Variants in CRPPA observed in about 807,000 individuals in gnomAD.
CRPPA encodes the protein D-ribitol-5-phosphate cytidylyltransferase.
A neutral mutation model predicts 52.0 loss-of-function variants in CRPPA; 43 were observed. That is an observed-to-expected ratio of 0.83 (90% CI 0.65 to 1.07). The LOEUF (loss-of-function observed/expected upper bound fraction) is 1.07, where lower values mean the gene tolerates loss of function less well. CRPPA is among the 50% of genes least tolerant of loss of function. CRPPA has a pLI of 0.00. For missense variants in CRPPA, 629 were observed against 551.7 expected, an observed-to-expected ratio of 1.14 and a Z score of -1.40; for synonymous variants, 250 against 203.5, an observed-to-expected ratio of 1.23 and a Z score of -1.94.
intron 3 of CRPPA, among the ~76,000 whole-genome samples, chr7:16,354,004 TA>T (rs1786230566): frequency 6.6e-6 from 1 of 151,746 alleles, no homozygotes; most frequent in Non-Finnish European, 1.5e-5. Context: ...ATCAAAAAAA[TA>T]ACCAAACTTA....
intron 5 of CRPPA, among the ~76,000 whole-genome samples, chr7:16,287,916 A>AGGAG (rs1784483178): frequency 8.1e-6 from 1 of 123,152 alleles, no homozygotes; most frequent in Non-Finnish European, 1.7e-5. Context: ...AAAGAAAGGA[A>AGGAG]GGAAGGAAGG....
At chr7:16,154,287 A>G (rs1783132041) in intron 9 of CRPPA, among the ~76,000 whole-genome samples, 1 of 152,060 alleles carries the variant, frequency 6.6e-6, no homozygotes, top group Admixed American at 6.6e-5. Flanking sequence ...TTACAGAGGT[A>G]TACGTGTGCC....
At chr7:16,189,668 G>C (rs1310402578) in intron 9 of CRPPA, among the ~76,000 whole-genome samples, 3 of 152,246 alleles carry the variant, frequency 2.0e-5, no homozygotes, top group African/African-American at 7.2e-5. Flanking sequence ...CAACATCAAA[G>C]ATCAAAATAG....
rs777961923 is a variant in CRPPA, at chr7:16,170,856, C to T, written c.1251+45210G>A. Among the ~76,000 whole-genome samples, 117 of 152,322 alleles carry T rather than the reference C, an allele frequency of 7.7e-4. 1 individual carries two copies. The highest frequency in any genetic ancestry group is 1.4e-3 in the Admixed American group (22 of 15,314). On this transcript the variant is annotated intron_variant, in intron 9 of 9. Coordinates refer to ENST00000407010, the MANE Select transcript of CRPPA (RefSeq NM_001101426.4). ...CCCCTCATTGCGCAGCGCCGGCAGC[C>T]GCTCCGAGTGTGGGGGTCCCTTCAG... is the stretch of plus-strand genomic sequence containing the variant.
In CRPPA at chr7:16,287,693, G is replaced by A. The variant is rs139568869; in HGVS notation, c.836-9467C>T. Among the ~76,000 whole-genome samples, 126 of 152,246 alleles carry A rather than the reference G, an allele frequency of 8.3e-4. 3 individuals are homozygous for A. The highest frequency in any genetic ancestry group is 2.4e-3 in the African/African-American group (98 of 41,548). On this transcript the variant is annotated intron_variant, in intron 5 of 9. Coordinates refer to ENST00000407010, the MANE Select transcript of CRPPA (RefSeq NM_001101426.4). ...TCCCAGCACTTTGGAAGGCCAAAGC[G>A]AATGGATTGCTTGAGGTCAGAAGTT...
chr7:16,231,997 A>C (rs1362139942), intron 8 of CRPPA, among the ~76,000 whole-genome samples: 1 of 152,158 alleles, frequency 6.6e-6, no homozygotes, highest in Non-Finnish European at 1.5e-5. Flanking sequence ...TGGGGAGACC[A>C]AGGTAGACAG....
At chr7:16,366,248 C>G (rs1786585659) in intron 3 of CRPPA, among the ~76,000 whole-genome samples, 1 of 152,196 alleles carries the variant, frequency 6.6e-6, no homozygotes, top group Admixed American at 6.5e-5. Flanking sequence ...CCTCTCAATA[C>G]TATCACCTTG....
chr7:16,408,837 A>C (rs1016933614), intron 1 of CRPPA, among the ~76,000 whole-genome samples: 7 of 152,230 alleles, frequency 4.6e-5, no homozygotes, highest in African/African-American at 1.4e-4. Context: ...TCACTGGAGA[A>C]GATGTGATGA....
At chr7:16,277,836 T>C (rs1420816124) in intron 6 of CRPPA, among the ~76,000 whole-genome samples, 3 of 152,144 alleles carry the variant, frequency 2.0e-5, no homozygotes, top group Non-Finnish European at 4.4e-5. Context: ...TGCTGGCCAC[T>C]ATGCCTCTTA....
intron 8 of CRPPA, among the ~76,000 whole-genome samples, chr7:16,257,474 A>G (rs1783674534): frequency 6.6e-6 from 1 of 152,100 alleles, no homozygotes; most frequent in Non-Finnish European, 1.5e-5. Flanking sequence ...GCAACCATGA[A>G]AGTTATCTTT....
chr7:16,408,892 A>ATT (rs373858697), intron 1 of CRPPA, among the ~76,000 whole-genome samples: 35 of 152,284 alleles, frequency 2.3e-4, no homozygotes, highest in African/African-American at 7.9e-4. Context: ...GCCAAAGAGC[A>ATT]TGAGTGGCCT....
chr7:16,271,243 A>C (rs1429154036), intron 6 of CRPPA, among the ~76,000 whole-genome samples: 1 of 152,136 alleles, frequency 6.6e-6, no homozygotes, highest in African/African-American at 2.4e-5. Context: ...TATTACAGGA[A>C]TGAATATTGG....
intron 1 of CRPPA, among the ~76,000 whole-genome samples, chr7:16,410,647 C>T (rs1788058016): frequency 3.3e-5 from 5 of 152,142 alleles, no homozygotes; most frequent in African/African-American, 1.2e-4. Flanking sequence ...CGAGCAAGAC[C>T]CTTCAAGACC....
At chr7:16,253,154 A>C (rs1000145446) in intron 8 of CRPPA, among the ~76,000 whole-genome samples, 2 of 152,048 alleles carry the variant, frequency 1.3e-5, no homozygotes, top group Non-Finnish European at 2.9e-5. Context: ...TAGCTTTTGA[A>C]TGTGTTTGCT....
At chr7:16,186,677 T>C (rs548703038) in intron 9 of CRPPA, among the ~76,000 whole-genome samples, 39 of 152,244 alleles carry the variant, frequency 2.6e-4, no homozygotes, top group Admixed American at 2.3e-3. Context: ...CAAAAAGAAG[T>C]CTTAGCCTCA....
intron 5 of CRPPA, among the ~76,000 whole-genome samples, chr7:16,286,066 T>TTTAAAAAAAA (rs1562608525): frequency 2.7e-4 from 7 of 25,830 alleles, no homozygotes; most frequent in African/African-American, 1.1e-3. Context: ...TATATATATA[T>TTTAAAAAAAA]ATATATATAT....
intron 2 of CRPPA, among the ~76,000 whole-genome samples, chr7:16,391,403 G>C (rs1394485178): frequency 6.6e-6 from 1 of 152,046 alleles, no homozygotes; most frequent in Non-Finnish European, 1.5e-5. Flanking sequence ...CTCCCTCTGA[G>C]ATTAGTCCAG....
intron 3 of CRPPA, among the ~76,000 whole-genome samples, chr7:16,314,999 TTA>T (rs1249193388): frequency 6.6e-6 from 1 of 152,136 alleles, no homozygotes; most frequent in African/African-American, 2.4e-5. Context: ...GGTATGCTCA[TTA>T]TATGTGTGTT....
rs373009598 is a variant in CRPPA at position 16,101,737 on chromosome 7, T to C, written c.1252-9938A>G. ...CACAATTGCTTCAAAGAGAATAGAATACAACTCAGAAGGGATGTGAAATAC... is the reference window on the plus strand; with the variant it reads ...CACAATTGCTTCAAAGAGAATAGAACACAACTCAGAAGGGATGTGAAATAC... On this transcript the variant is annotated intron_variant, in intron 9 of 9. Transcript: ENST00000407010. Among the ~76,000 whole-genome samples, 6 of 152,210 alleles carry C rather than the reference T, an allele frequency of 3.9e-5. No homozygotes were observed. The South Asian group carries it at 6.2e-4, about 16-fold the overall frequency.
Sources: allele counts gnomAD v4.1 joint callset (sites outside exome capture counted in the v4.1 genomes callset), GRCh38; gene constraint gnomAD v4.1.1; transcripts MANE v1.5; gene names NCBI Gene and HGNC (gene_info 2026-07-23, HGNC 2026-07-21).